The following SGO2 variants were observed in gnomAD, a reference collection of about 807,000 sequenced individuals.
SGO2 encodes shugoshin 2.
A neutral mutation model predicts 99.5 loss-of-function variants in SGO2; 68 were observed. The ratio of observed to expected loss-of-function variants is 0.68; its 90% CI spans 0.56 to 0.84. SGO2 has a LOEUF of 0.84. Among genes scored for constraint, SGO2 ranks in the 40% least tolerant of loss-of-function variants. The pLI, the probability that SGO2 is intolerant of heterozygous loss-of-function variation, is 0.00. For missense variants in SGO2, 1,350 were observed against 1,436.7 expected, an observed-to-expected ratio of 0.94 and a Z score of 0.97; for synonymous variants, 457 against 487.1, an observed-to-expected ratio of 0.94 and a Z score of 0.81.
Position 200,536,147 on chromosome 2 carries a change from G to T in SGO2, c.387+5G>T. ...GAAATGAGCAGTCTTTCTGAGGTAA[G>T]TAGAATTTATATGTAAATAGTGTTG... is the stretch of plus-strand genomic sequence containing the variant. On this transcript the variant is annotated splice_donor_5th_base_variant and intron_variant, in intron 4 of 8. Transcript: ENST00000357799. 1 of 1,567,962 alleles carries T rather than the reference G, an allele frequency of 6.4e-7. No individual in the cohort carries two copies. Among genetic ancestry groups the T allele is most frequent in the Non-Finnish European group, 8.7e-7 (1 of 1,144,368 alleles).
At chr2:200,536,264 A>T in intron 4 of SGO2, 122 bp downstream of exon 4, 1 of 528,534 alleles carries the variant, frequency 1.9e-6, no homozygotes, top group Non-Finnish European at 3.4e-6. Flanking sequence ...ACTGATGATA[A>T]TATCAGTTTT....
At chr2:200,562,720 T>C (rs1040447771) in intron 5 of SGO2, among the ~76,000 whole-genome samples, 1 of 152,214 alleles carries the variant, frequency 6.6e-6, no homozygotes, top group Non-Finnish European at 1.5e-5. Context: ...GTTTGTGCCC[T>C]CTTTTATTTC....
At chr2:200,568,431 A>G (rs566277187) in intron 5 of SGO2, among the ~76,000 whole-genome samples, 2 of 152,332 alleles carry the variant, frequency 1.3e-5, no homozygotes, top group South Asian at 4.1e-4. Flanking sequence ...TTTAATAGGC[A>G]CTAACCTTGT....
At chr2:200,577,692 T>C (rs2033711086) in intron 8 of SGO2, among the ~76,000 whole-genome samples, 1 of 151,988 alleles carries the variant, frequency 6.6e-6, no homozygotes, top group Non-Finnish European at 1.5e-5. Context: ...TTTTTTTTTT[T>C]CTGCCTTGGA....
At position 200,570,042 on chromosome 2, in the gene SGO2, T is replaced by C. The variant is rs904223451; in HGVS notation, c.703+150T>C. 5.4e-5 allele frequency: 31 copies of C among 578,748 alleles called. No homozygotes were observed. Among genetic ancestry groups the C allele is most frequent in the East Asian group, 2.3e-4 (8 of 34,244 alleles). The allele number at this position is 578,748 out of a possible 1,614,324, so 35.9% of individuals were successfully genotyped here. On this transcript the variant is annotated intron_variant, in intron 6 of 8. Transcript: ENST00000357799. The surrounding 1 kb of genome is among the most constrained non-coding windows in gnomAD (Gnocchi z 4.4). ...TTCTGCCATTTAAAACTGCTGGTGA[T>C]AGATTTAATTTTAAAGTAAATATGC...
intron 5 of SGO2, among the ~76,000 whole-genome samples, chr2:200,560,665 T>C (rs903674964): frequency 1.3e-5 from 2 of 152,166 alleles, no homozygotes; most frequent in Non-Finnish European, 2.9e-5. Flanking sequence ...GGGTTTGATT[T>C]GCTAATATTT....
rs201348143 is a variant in SGO2, at chr2:200,571,427, T to G, written c.1081T>G (p.Tyr361Asp). 3.7e-6 allele frequency: 6 copies of G among 1,610,876 alleles called. No homozygotes were observed. The highest frequency in any genetic ancestry group is 5.1e-6 in the Non-Finnish European group (6 of 1,178,010). ...TGACTTTCAATTGCAGAAAACTGTG[T>G]ATGATGCTGACATGGATTTAACTGC... ...NDDFQLQKTV[Y>D]DADMDLTASE... Residue 361 changes from tyrosine (Y) to aspartate (D), a missense_variant, in exon 7 of 9, where the codon TAT (tyrosine) becomes GAT (aspartate). Coordinates refer to ENST00000357799, the MANE Select transcript of SGO2 (RefSeq NM_152524.6).
chr2:200,563,252 G>A (rs187929389), intron 5 of SGO2, among the ~76,000 whole-genome samples: 127 of 152,258 alleles, frequency 8.3e-4, no homozygotes, highest in African/African-American at 3.0e-3. Context: ...AATTTATTGG[G>A]AGTTTTTAGC....
intron 5 of SGO2, among the ~76,000 whole-genome samples, chr2:200,552,393 T>C (rs2032528041): frequency 6.6e-6 from 1 of 152,150 alleles, no homozygotes; most frequent in Non-Finnish European, 1.5e-5. Context: ...GTTTGTTTTT[T>C]AAGTGAAAGC....
chr2:200,568,993 A>G (rs2106340754), intron 5 of SGO2, among the ~76,000 whole-genome samples: 1 of 152,200 alleles, frequency 6.6e-6, no homozygotes, highest in Non-Finnish European at 1.5e-5. Flanking sequence ...TAAATTTCTC[A>G]TAAATATTTA....
intron 3 of SGO2, among the ~76,000 whole-genome samples, chr2:200,535,459 A>T (rs2031648521): frequency 6.6e-6 from 1 of 152,206 alleles, no homozygotes; most frequent in African/African-American, 2.4e-5. Context: ...ATACATTTTT[A>T]AAAGATGGTC....
chr2:200,563,330 CT>C (rs1384931370), intron 5 of SGO2, among the ~76,000 whole-genome samples: 2 of 152,114 alleles, frequency 1.3e-5, no homozygotes, highest in African/African-American at 4.8e-5. Context: ...TGGTTTTTGT[CT>C]TTGGTTCTGT....
chr2:200,556,573 G>A (rs967278062), intron 5 of SGO2, among the ~76,000 whole-genome samples: 6 of 152,250 alleles, frequency 3.9e-5, no homozygotes, highest in Non-Finnish European at 7.4e-5. Context: ...TGGAGGGGAA[G>A]AGAATCAACA....
At chr2:200,580,639 C>T (rs1165390559) in intron 8 of SGO2, 1 of 270,462 alleles carries the variant, frequency 3.7e-6, no homozygotes, top group African/African-American at 2.4e-5. Context: ...GGAGACCAGC[C>T]TGGGCAACAC....
chr2:200,570,478 A>ATGTGTGTGTGTGTGTGTG lies in SGO2; in HGVS notation c.704-557_704-540dup, dbSNP rs71022323. On this transcript the variant is annotated intron_variant, in intron 6 of 8. Transcript: ENST00000357799. The surrounding 1 kb of genome is among the most constrained non-coding windows in gnomAD (Gnocchi z 4.4). ...TTAGAATTGTTTTTCCTTTCTGAAA[A>ATGTGTGTGTGTGTGTGTG]TGTGTGTGTGTGTGTGTGTGTGTGT... Among the ~76,000 whole-genome samples the ATGTGTGTGTGTGTGTGTG allele has an allele frequency of 7.0e-6, 1 of 142,762 alleles. No individual in the cohort carries two copies. The highest frequency in any genetic ancestry group is 1.5e-5 in the Non-Finnish European group (1 of 65,512). The allele number at this position is 142,762 out of a possible 152,430, so 93.7% of individuals were successfully genotyped here.
At chr2:200,551,664 T>C (rs1236400644) in intron 5 of SGO2, among the ~76,000 whole-genome samples, 2 of 152,192 alleles carry the variant, frequency 1.3e-5, no homozygotes, top group Non-Finnish European at 2.9e-5. Flanking sequence ...TACTTAAGAA[T>C]TTTGGGTATG....
rs200442026 is a variant in SGO2, at chr2:200,575,472, C to A, written c.3782+11C>A. ...GCCAAGCCTCAGAGAGTAAGTATTTCAAATGATTTTAGTATGCCATTATAA... is the reference window on the plus strand; with the variant it reads ...GCCAAGCCTCAGAGAGTAAGTATTTAAAATGATTTTAGTATGCCATTATAA... On this transcript the variant is annotated intron_variant, in intron 8 of 8. Transcript: ENST00000357799. 3.0e-4 allele frequency: 459 copies of A among 1,533,390 alleles called. 3 individuals are homozygous for A. In the African/African-American group the frequency reaches 5.7e-3, roughly 19 times the overall value. 95.0% of individuals were successfully genotyped at this position (1,533,390 alleles called of 1,614,324 possible).
chr2:200,571,972 A>T lies in SGO2; in HGVS notation c.1626A>T (p.Lys542Asn), dbSNP rs1031583058. 1.2e-6 allele frequency: 2 copies of T among 1,609,548 alleles called. No individual in the cohort carries two copies. The highest frequency in any genetic ancestry group is 8.5e-7 in the Non-Finnish European group (1 of 1,178,672). The change falls in exon 7 of 9, where the codon AAA becomes AAT. Residue 542 changes from lysine to asparagine, a missense_variant. By Grantham distance (94) the Lys-to-Asn change is moderately conservative. Coordinates refer to ENST00000357799, the MANE Select transcript of SGO2 (RefSeq NM_152524.6). ...KASRQTFVIHKLEKDNLLPNQ... is the reference protein window; with the variant it reads ...KASRQTFVIHNLEKDNLLPNQ... ...CTAGACAGACATTTGTGATTCACAA[A>T]TTAGAAAAAGATAACTTACTCCCAA... is the stretch of plus-strand genomic sequence containing the variant.
At chr2:200,540,095 A>AT (rs774151418) in intron 4 of SGO2, among the ~76,000 whole-genome samples, 3 of 150,624 alleles carry the variant, frequency 2.0e-5, no homozygotes, top group Non-Finnish European at 4.4e-5. Context: ...GAGATGTTCC[A>AT]TTTTTTCATT....
Sources: gnomAD v4.1 joint callset for allele counts (sites outside exome capture counted in the v4.1 genomes callset) on GRCh38, gnomAD v4.1.1 for gene constraint, Gnocchi (gnomAD v3.1) non-coding constraint, MANE v1.5 for transcripts, NCBI Gene and HGNC (gene_info 2026-07-23, HGNC 2026-07-21) for gene names.